Variants in PDE4D observed in about 807,000 individuals in gnomAD.
The protein encoded by PDE4D is phosphodiesterase 4D.
Under a neutral mutation model 87.4 loss-of-function variants are expected in PDE4D, and 24 were observed. That is an observed-to-expected ratio of 0.27 (90% CI 0.20 to 0.39). PDE4D has a LOEUF of 0.39. Among genes scored for constraint, PDE4D ranks in the 10% least tolerant of loss-of-function variants. PDE4D has a pLI of 1.00. For synonymous variants in PDE4D, 384 were observed against 383.2 expected (o/e 1.00, Z -0.02); for missense variants, 714 against 1,041.0 (o/e 0.69, Z 4.32).
intron 2 of PDE4D, among the ~76,000 whole-genome samples, chr5:60,094,630 T>C (rs2149317794): frequency 6.8e-6 from 1 of 148,106 alleles, no homozygotes; most frequent in South Asian, 2.2e-4. Flanking sequence ...TGGAGGGTAT[T>C]TGAACACAGA....
intron 1 of PDE4D, among the ~76,000 whole-genome samples, chr5:60,235,173 C>T (rs1239595742): frequency 2.6e-5 from 4 of 151,756 alleles, no homozygotes; most frequent in Non-Finnish European, 5.9e-5. Context: ...TGTAAGTGCT[C>T]CTTAGAGGGT....
At position 59,193,593 on chromosome 5, in the gene PDE4D, C is replaced by T. The variant is rs142296891; in HGVS notation, c.648-57G>A. 3.6e-5 allele frequency: 58 copies of T among 1,597,448 alleles called. No homozygotes were observed. The African/African-American group carries it at 5.7e-4, about 16-fold the overall frequency. On this transcript the variant is annotated intron_variant, in intron 2 of 14. Transcript: ENST00000340635. The stretch of plus-strand genomic sequence containing the variant: ...TCATCAATAACTCTGTGCTCAGTGT[C>T]GTTCAATATTAAACGGCAAGTTCCA...
chr5:59,577,404 T>G (rs1177256649), intron 1 of PDE4D, among the ~76,000 whole-genome samples: 3 of 152,144 alleles, frequency 2.0e-5, no homozygotes, highest in Non-Finnish European at 4.4e-5. Flanking sequence ...AGGTGTTTGT[T>G]GATTTATGTG....
intron 2 of PDE4D, among the ~76,000 whole-genome samples, chr5:60,051,028 G>T (rs1465539811): frequency 6.6e-6 from 1 of 152,190 alleles, no homozygotes; most frequent in African/African-American, 2.4e-5. Flanking sequence ...GGAGTACTCA[G>T]ATTCATAAAG....
At chr5:59,737,416 C>A (rs187297883) in intron 1 of PDE4D, among the ~76,000 whole-genome samples, 2 of 151,966 alleles carry the variant, frequency 1.3e-5, no homozygotes, top group African/African-American at 4.8e-5. Flanking sequence ...TAGAAATCAG[C>A]CATGAAATTT....
intron 3 of PDE4D, among the ~76,000 whole-genome samples, chr5:59,985,095 A>G (rs1310671168): frequency 1.3e-5 from 2 of 150,400 alleles, no homozygotes; most frequent in Non-Finnish European, 3.0e-5. Flanking sequence ...TAAAATGGCT[A>G]CAGAATATAA....
intron 1 of PDE4D, among the ~76,000 whole-genome samples, chr5:59,381,800 T>A (rs17726292): frequency 0.087 from 13,273 of 152,206 alleles, 684 homozygotes; most frequent in Middle Eastern, 0.15. Flanking sequence ...AGGAAGTGGA[T>A]CTATTTTATT....
chr5:59,596,632 T>C (rs1056370062), intron 1 of PDE4D, among the ~76,000 whole-genome samples: 1 of 152,076 alleles, frequency 6.6e-6, no homozygotes, highest in Non-Finnish European at 1.5e-5. Flanking sequence ...ATCATAAATA[T>C]TTAATAAATG....
chr5:59,102,081 CT>C (rs34811771), intron 5 of PDE4D, among the ~76,000 whole-genome samples: 32,493 of 95,814 alleles, frequency 0.34, 3,411 homozygotes, highest in Admixed American at 0.39. Context: ...TTTTTCCCTA[CT>C]TTTTTTTTTT....
intron 5 of PDE4D, among the ~76,000 whole-genome samples, chr5:59,161,642 G>T (rs1337577100): frequency 2.0e-5 from 3 of 152,146 alleles, no homozygotes; most frequent in Non-Finnish European, 4.4e-5. Flanking sequence ...AGTCTTTCAG[G>T]TTAAATTTTA....
Position 59,193,275 on chromosome 5 carries a change from T to C in PDE4D, c.684+225A>G, listed in dbSNP as rs561012890. On this transcript the variant is annotated intron_variant, in intron 3 of 14. Transcript: ENST00000340635. Reference sequence around the variant, plus strand: ...AGTATATCCCTTAGCTAATTTATTATTTGAAGCAAAGACACTCTTTGGTAC... The same window carrying C: ...AGTATATCCCTTAGCTAATTTATTACTTGAAGCAAAGACACTCTTTGGTAC... 2.6e-5 allele frequency among the ~76,000 whole-genome samples: 4 copies of C among 152,322 alleles called. No homozygotes were observed. In the South Asian group the frequency reaches 8.3e-4, roughly 32 times the overall value.
At chr5:59,162,914 C>T (rs1323696832) in intron 5 of PDE4D, among the ~76,000 whole-genome samples, 4 of 149,620 alleles carry the variant, frequency 2.7e-5, no homozygotes, top group Non-Finnish European at 5.9e-5. Context: ...ATTTAAGTTG[C>T]CCTGAATATA....
At chr5:59,762,666 A>G (rs182951115) in intron 1 of PDE4D, among the ~76,000 whole-genome samples, 40 of 129,502 alleles carry the variant, frequency 3.1e-4, no homozygotes, top group African/African-American at 1.3e-3. Flanking sequence ...GTATATAGGT[A>G]CGTATGTGTA....
chr5:59,450,137 TA>T (rs1292902554), intron 1 of PDE4D, among the ~76,000 whole-genome samples: 20 of 152,250 alleles, frequency 1.3e-4, no homozygotes, highest in African/African-American at 2.9e-4. Context: ...TCTGACTATG[TA>T]AATGATCGCC....
intron 1 of PDE4D, among the ~76,000 whole-genome samples, chr5:59,662,152 T>C (rs1231332059): frequency 6.6e-6 from 1 of 152,166 alleles, no homozygotes; most frequent in Admixed American, 6.5e-5. Flanking sequence ...CAACCAGCTG[T>C]ACTCTGGGCA....
At chr5:59,127,747 TC>T (rs2153449402) in intron 5 of PDE4D, among the ~76,000 whole-genome samples, 1 of 152,086 alleles carries the variant, frequency 6.6e-6, no homozygotes, top group African/African-American at 2.4e-5. Context: ...GGCATTCTTA[TC>T]ATGCCTAGTG....
At chr5:60,049,386 C>T (rs1769782744) in intron 2 of PDE4D, among the ~76,000 whole-genome samples, 1 of 152,234 alleles carries the variant, frequency 6.6e-6, no homozygotes, top group Non-Finnish European at 1.5e-5. Context: ...ATTCTCCATC[C>T]AGCTCTGTTC....
At chr5:59,498,648 T>A (rs1303649040) in intron 1 of PDE4D, among the ~76,000 whole-genome samples, 1 of 151,316 alleles carries the variant, frequency 6.6e-6, no homozygotes, top group Non-Finnish European at 1.5e-5. Context: ...TCAGAAAAAA[T>A]AGACATTAAA....
intron 2 of PDE4D, among the ~76,000 whole-genome samples, chr5:60,037,888 T>C (rs1390246544): frequency 2.6e-5 from 4 of 152,176 alleles, no homozygotes; most frequent in African/African-American, 9.7e-5. Context: ...CCTATGCATA[T>C]TATCAAACTG....
Sources: allele counts gnomAD v4.1 joint callset (sites outside exome capture counted in the v4.1 genomes callset), GRCh38; gene constraint gnomAD v4.1.1; transcripts MANE v1.5; gene names NCBI Gene and HGNC (gene_info 2026-07-23, HGNC 2026-07-21).